MSTO1: variants seen among roughly 807,000 people sequenced by gnomAD.
MSTO1 encodes protein misato homolog 1.
MSTO1 carries 24 observed loss-of-function variants against 55.7 expected under a neutral mutation model. The observed-to-expected ratio is 0.43, with a 90% CI of 0.31 to 0.61. MSTO1 has a LOEUF of 0.61. Among genes scored for constraint, MSTO1 ranks in the 20% least tolerant of loss-of-function variants. MSTO1 has a pLI of 0.09. For missense variants in MSTO1, 363 were observed against 625.7 expected, an observed-to-expected ratio of 0.58 and a Z score of 4.48; for synonymous variants, 162 against 252.8, an observed-to-expected ratio of 0.64 and a Z score of 3.41.
At chr1:155,583,066 T>C in the MSTO1 span, among the ~76,000 whole-genome samples, 6 of 151,708 alleles carry the variant, frequency 4.0e-5, no homozygotes, top group African/African-American at 1.5e-4. Context: ...AGTTGCAGTG[T>C]GGCCACGTTG....
At chr1:155,606,198 C>CTTTTTTTTTTTTTTTTTTTTTTT (rs747681932), upstream of MSTO1, among the ~76,000 whole-genome samples, 4 of 28,090 alleles carry the variant, frequency 1.4e-4, 2 homozygotes, top group Non-Finnish European at 2.8e-4. Flanking sequence ...CATGCCCAGC[C>CTTTTTTTTTTTTTTTTTTTTTTT]TTTTTTTTTT....
the MSTO1 span, among the ~76,000 whole-genome samples, chr1:155,590,071 G>T: frequency 3.3e-5 from 5 of 152,046 alleles, no homozygotes; most frequent in Non-Finnish European, 7.4e-5. Flanking sequence ...CTACATAGCT[G>T]GGACCTGACC....
At chr1:155,600,597 G>A in the MSTO1 span, among the ~76,000 whole-genome samples, 3 of 150,128 alleles carry the variant, frequency 2.0e-5, no homozygotes, top group African/African-American at 7.6e-5. Flanking sequence ...GCCCAGACTG[G>A]AGTGCAGTGG....
the MSTO1 span, chr1:155,591,137 C>G: frequency 9.3e-6 from 15 of 1,613,392 alleles, no homozygotes. Flanking sequence ...ACCACCTGGC[C>G]ACCACGATGC....
chr1:155,566,423 A>T, the MSTO1 span: 2 of 152,210 alleles, frequency 1.3e-5, no homozygotes, highest in African/African-American at 2.4e-5. Context: ...ACTTGAGGCC[A>T]GGAGTTCAAG....
chr1:155,579,664 T>C, the MSTO1 span, among the ~76,000 whole-genome samples: 1 of 152,222 alleles, frequency 6.6e-6, no homozygotes, highest in Non-Finnish European at 1.5e-5. Flanking sequence ...ATGGGACTGT[T>C]GTAAGATAAT....
the MSTO1 span, among the ~76,000 whole-genome samples, chr1:155,573,897 C>A: frequency 6.6e-6 from 1 of 151,354 alleles, no homozygotes; most frequent in Non-Finnish European, 1.5e-5. Flanking sequence ...GCAATCGTAT[C>A]CTGTTAAATA....
At chr1:155,573,211 C>G in the MSTO1 span, among the ~76,000 whole-genome samples, 1 of 152,016 alleles carries the variant, frequency 6.6e-6, no homozygotes, top group South Asian at 2.1e-4. Flanking sequence ...ATGCCTGGGT[C>G]ACTATCAGAG....
the MSTO1 span, among the ~76,000 whole-genome samples, chr1:155,589,514 T>A: frequency 6.6e-6 from 1 of 151,920 alleles, no homozygotes; most frequent in Non-Finnish European, 1.5e-5. Context: ...TCTGGCGAAG[T>A]CCCACAGTAG....
At chr1:155,590,721 C>T in the MSTO1 span, 118 of 1,577,910 alleles carry the variant, frequency 7.5e-5, no homozygotes, top group Middle Eastern at 1.7e-4. Flanking sequence ...AAGTGCAGCA[C>T]AGCAGCCTGC....
the MSTO1 span, among the ~76,000 whole-genome samples, chr1:155,571,401 G>A: frequency 2.0e-5 from 3 of 151,936 alleles, no homozygotes; most frequent in East Asian, 3.9e-4. Context: ...CAATTCTTTC[G>A]ACGTGGCCCA....
At chr1:155,600,975 C>CTTTT in the MSTO1 span, among the ~76,000 whole-genome samples, 3 of 119,130 alleles carry the variant, frequency 2.5e-5, no homozygotes, top group South Asian at 2.7e-4. Flanking sequence ...TGTGCTAGGC[C>CTTTT]TTTTTTTTTT....
the MSTO1 span, among the ~76,000 whole-genome samples, chr1:155,584,317 C>T: frequency 6.6e-6 from 1 of 151,942 alleles, no homozygotes; most frequent in East Asian, 1.9e-4. Context: ...TGTGATTGTG[C>T]CACTGTACTC....
chr1:155,606,627 C>T (rs531043901), upstream of MSTO1, among the ~76,000 whole-genome samples: 1 of 149,298 alleles, frequency 6.7e-6, no homozygotes, highest in East Asian at 2.0e-4. Context: ...ATCCTGACCT[C>T]AGGTGATCGC....
At chr1:155,583,853 G>A in the MSTO1 span, among the ~76,000 whole-genome samples, 3 of 152,102 alleles carry the variant, frequency 2.0e-5, no homozygotes, top group Non-Finnish European at 2.9e-5. Context: ...GTGCCGGGGA[G>A]CATTGAGAAG....
At chr1:155,599,415 G>GT in the MSTO1 span, among the ~76,000 whole-genome samples, 3 of 151,812 alleles carry the variant, frequency 2.0e-5, no homozygotes, top group Non-Finnish European at 2.9e-5. Flanking sequence ...GGTTTTTTTT[G>GT]TTTTTTATTT....
upstream of MSTO1, among the ~76,000 whole-genome samples, chr1:155,606,470 C>T (rs1159150849): frequency 1.3e-5 from 2 of 150,998 alleles, no homozygotes; most frequent in Non-Finnish European, 3.0e-5. Context: ...TCTTGGCTCA[C>T]TGCAACCTCC....
chr1:155,569,428 C>T, the MSTO1 span, among the ~76,000 whole-genome samples: 1 of 144,480 alleles, frequency 6.9e-6, no homozygotes, highest in African/African-American at 2.6e-5. Context: ...AGCCACTGCG[C>T]CCGGTCTTTT....
At chr1:155,609,910 A>C (rs1571212174), upstream of MSTO1, 1 of 331,700 alleles carries the variant, frequency 3.0e-6, no homozygotes, top group South Asian at 3.7e-5. Flanking sequence ...AAGGGATAAG[A>C]CCTCAAGACA....
Sources: allele counts gnomAD v4.1 joint callset (sites outside exome capture counted in the v4.1 genomes callset), GRCh38; gene constraint gnomAD v4.1.1; transcripts MANE v1.5; gene names NCBI Gene and HGNC (gene_info 2026-07-23, HGNC 2026-07-21).